KCNIP4: variants seen among roughly 807,000 people sequenced by gnomAD.
The protein encoded by KCNIP4 is potassium voltage-gated channel interacting protein 4, also known as Kv channel-interacting protein 4.
Under a neutral mutation model 34.0 loss-of-function variants are expected in KCNIP4, and 12 were observed. The ratio of observed to expected loss-of-function variants is 0.35; its 90% CI spans 0.23 to 0.57. The LOEUF (loss-of-function observed/expected upper bound fraction) is 0.57. Among genes scored for constraint, KCNIP4 ranks in the 20% least tolerant of loss-of-function variants. KCNIP4 has a pLI of 0.83. For synonymous variants in KCNIP4, 124 were observed against 102.2 expected (o/e 1.21, Z -1.29); for missense variants, 238 against 311.7 (o/e 0.76, Z 1.78).
At chr4:21,643,847 T>C (rs1047284982) in intron 1 of KCNIP4, among the ~76,000 whole-genome samples, 1 of 121,740 alleles carries the variant, frequency 8.2e-6, no homozygotes, top group Non-Finnish European at 1.8e-5. Flanking sequence ...GACTGATAGA[T>C]GATAGATAGG....
intron 1 of KCNIP4, among the ~76,000 whole-genome samples, chr4:21,099,512 G>A (rs1213515200): frequency 2.0e-5 from 3 of 152,100 alleles, no homozygotes; most frequent in African/African-American, 4.8e-5. Flanking sequence ...TGGATGCTGA[G>A]CTTAATACCT....
chr4:21,363,247 G>T (rs576552881), intron 1 of KCNIP4, among the ~76,000 whole-genome samples: 1 of 152,160 alleles, frequency 6.6e-6, no homozygotes, highest in South Asian at 2.1e-4. Flanking sequence ...CAGCCCTGTG[G>T]CTCTCCTTCA....
chr4:21,308,347 G>A (rs1280960947), intron 1 of KCNIP4, among the ~76,000 whole-genome samples: 1 of 152,172 alleles, frequency 6.6e-6, no homozygotes, highest in Non-Finnish European at 1.5e-5. Flanking sequence ...TCTCCGTGGA[G>A]CACATACGTT....
intron 3 of KCNIP4, among the ~76,000 whole-genome samples, chr4:20,802,917 T>C (rs985215693): frequency 2.0e-5 from 3 of 151,514 alleles, no homozygotes; most frequent in Non-Finnish European, 4.4e-5. Context: ...CTACTAAAAA[T>C]ACAAAAAATT....
chr4:20,875,483 G>A (rs1723921791), intron 2 of KCNIP4, among the ~76,000 whole-genome samples: 1 of 152,152 alleles, frequency 6.6e-6, no homozygotes, highest in Non-Finnish European at 1.5e-5. Context: ...AGTTCTAAAT[G>A]TTTGTTAAAT....
intron 1 of KCNIP4, among the ~76,000 whole-genome samples, chr4:21,669,555 A>G (rs1327958385): frequency 6.6e-6 from 1 of 152,156 alleles, no homozygotes; most frequent in Admixed American, 6.5e-5. Context: ...AGTTTGGGGG[A>G]GTCAAAAGTT....
chr4:21,597,805 T>G (rs1421992846), intron 1 of KCNIP4, among the ~76,000 whole-genome samples: 1 of 152,112 alleles, frequency 6.6e-6, no homozygotes, highest in Non-Finnish European at 1.5e-5. Context: ...AATGCAGGTT[T>G]TTAGGATATT....
intron 3 of KCNIP4, among the ~76,000 whole-genome samples, chr4:20,835,942 C>T (rs895393310): frequency 6.6e-6 from 1 of 152,140 alleles, no homozygotes; most frequent in Non-Finnish European, 1.5e-5. Flanking sequence ...TAAATACTTT[C>T]ACTTCTTTGT....
rs556188506 is a variant in KCNIP4 at position 21,663,537 on chromosome 4, C to T, written c.61+285034G>A. Among the ~76,000 whole-genome samples, 3 of 152,268 alleles carry T rather than the reference C, an allele frequency of 2.0e-5. No homozygotes were observed. The East Asian group carries it at 5.8e-4, about 29-fold the overall frequency. ...CCTGCTTTCTTCATGTCTTCAATGG[C>T]TTAGGACTGGCTTCATAACTAGCTT... On this transcript the variant is annotated intron_variant, in intron 1 of 8. Coordinates refer to ENST00000382152, the MANE Select transcript of KCNIP4 (RefSeq NM_025221.6).
chr4:21,948,607 T>A lies in KCNIP4; in HGVS notation c.25A>T (p.Ile9Phe), dbSNP rs1455669554. The A allele has an allele frequency of 6.2e-7, 1 of 1,613,450 alleles. No individual in the cohort carries two copies. The highest frequency in any genetic ancestry group is 8.5e-7 in the Non-Finnish European group (1 of 1,179,784). Residue 9 changes from isoleucine to phenylalanine, a missense_variant, in exon 1 of 9, where the codon ATT becomes TTT. Transcript: ENST00000382152. ...CTGGCCTCCTCCAGCTGAGCCGAAATGCTTTCCACCCTCCTCACATTCATG... is the reference window on the plus strand; with the variant it reads ...CTGGCCTCCTCCAGCTGAGCCGAAAAGCTTTCCACCCTCCTCACATTCATG... MNVRRVES[I>F]SAQLEEASST...
chr4:21,447,214 G>T (rs1330667131), intron 1 of KCNIP4, among the ~76,000 whole-genome samples: 1 of 152,006 alleles, frequency 6.6e-6, no homozygotes, highest in Non-Finnish European at 1.5e-5. Flanking sequence ...GAAAAAGTAG[G>T]CCATGTGAAG....
chr4:21,415,806 C>G (rs573266024), intron 1 of KCNIP4, among the ~76,000 whole-genome samples: 1 of 152,204 alleles, frequency 6.6e-6, no homozygotes, highest in South Asian at 2.1e-4. Context: ...GGACACAAAA[C>G]AAAGACCCTG....
chr4:21,803,294 A>G (rs1721108330), intron 1 of KCNIP4, among the ~76,000 whole-genome samples: 2 of 152,154 alleles, frequency 1.3e-5, no homozygotes, highest in East Asian at 1.9e-4. Context: ...TATATCCAAG[A>G]AGAGTCTACA....
At chr4:21,588,806 TA>T (rs1182649570) in intron 1 of KCNIP4, among the ~76,000 whole-genome samples, 7 of 149,768 alleles carry the variant, frequency 4.7e-5, no homozygotes, top group Admixed American at 6.6e-5. Context: ...TAAATGTTCC[TA>T]TTTTTTTTGT....
chr4:21,147,251 C>T lies in KCNIP4; in HGVS notation c.62-264542G>A, dbSNP rs371338391. On this transcript the variant is annotated intron_variant, in intron 1 of 8. Coordinates refer to ENST00000382152, the MANE Select transcript of KCNIP4 (RefSeq NM_025221.6). The stretch of plus-strand genomic sequence containing the variant: ...TGGACCTATCTACCCGATGCCCCCA[C>T]CCCCAAACCTGGGTTCCAATAACTT... Among the ~76,000 whole-genome samples the T allele has an allele frequency of 3.3e-5, 5 of 152,154 alleles. 1 individual carries two copies. The highest frequency in any genetic ancestry group is 6.5e-5 in the Admixed American group (1 of 15,288).
At chr4:20,840,907 G>A (rs1397477533) in intron 3 of KCNIP4, among the ~76,000 whole-genome samples, 5 of 152,154 alleles carry the variant, frequency 3.3e-5, no homozygotes, top group Non-Finnish European at 7.3e-5. Flanking sequence ...TTACTCATTT[G>A]ATAGAATAAT....
intron 1 of KCNIP4, among the ~76,000 whole-genome samples, chr4:20,999,658 A>T (rs1737924263): frequency 6.6e-6 from 1 of 152,156 alleles, no homozygotes; most frequent in East Asian, 1.9e-4. Flanking sequence ...GGAATGTGGC[A>T]AACTGACTGG....
At chr4:20,864,179 T>C (rs200417981) in intron 2 of KCNIP4, among the ~76,000 whole-genome samples, 39 of 66,034 alleles carry the variant, frequency 5.9e-4, no homozygotes, top group Admixed American at 1.3e-3. Flanking sequence ...TATACACATG[T>C]ATGTATGCGT....
intron 1 of KCNIP4, among the ~76,000 whole-genome samples, chr4:21,366,707 C>G (rs1255767999): frequency 1.3e-5 from 2 of 152,028 alleles, no homozygotes; most frequent in Non-Finnish European, 2.9e-5. Context: ...TAAATCCTAT[C>G]TCTATAGTAC....
Sources: allele counts gnomAD v4.1 joint callset (sites outside exome capture counted in the v4.1 genomes callset), GRCh38; gene constraint gnomAD v4.1.1; transcripts MANE v1.5; gene names NCBI Gene and HGNC (gene_info 2026-07-23, HGNC 2026-07-21).